The following MCCC1 variants were observed in gnomAD, a reference collection of about 807,000 sequenced individuals.
MCCC1 encodes the protein methylcrotonoyl-CoA carboxylase subunit alpha, mitochondrial.
MCCC1 carries 64 observed loss-of-function variants against 83.8 expected under a neutral mutation model. That is an observed-to-expected ratio of 0.76 (90% CI 0.62 to 0.94). MCCC1 has a LOEUF of 0.94. MCCC1 is among the 40% of genes least tolerant of loss of function. The pLI, the probability that MCCC1 is intolerant of heterozygous loss-of-function variation, is 0.00. For synonymous variants in MCCC1, 322 were observed against 315.4 expected (o/e 1.02, Z -0.22); for missense variants, 807 against 904.7 (o/e 0.89, Z 1.39).
chr3:183,098,974 T>C, intron 1 of MCCC1: 1 of 371,566 alleles, frequency 2.7e-6, no homozygotes, highest in Non-Finnish European at 5.1e-6. Flanking sequence ...TTGATCCCTT[T>C]GGGCTTCCCC....
At chr3:183,088,710 G>A (rs189971416) in intron 3 of MCCC1, among the ~76,000 whole-genome samples, 1 of 152,086 alleles carries the variant, frequency 6.6e-6, no homozygotes. Context: ...AACACATGCA[G>A]TTTTAGTTCT....
Position 183,024,604 on chromosome 3 carries a change from T to C in MCCC1, c.1731+1151A>G, listed in dbSNP as rs370356424. Among the ~76,000 whole-genome samples, 8 of 127,660 alleles carry C rather than the reference T, an allele frequency of 6.3e-5. No homozygotes were observed. In the East Asian group the frequency reaches 9.5e-4, roughly 15 times the overall value. The allele number at this position is 127,660 out of a possible 152,430, so 83.7% of individuals were successfully genotyped here. ...TACTACTACCTCACACTCATTAGTA[T>C]TGCTATTATAAAACAAAAAAAAAAC... On this transcript the variant is annotated intron_variant, in intron 15 of 18. Coordinates refer to ENST00000265594, the MANE Select transcript of MCCC1 (RefSeq NM_020166.5).
intron 1 of MCCC1, among the ~76,000 whole-genome samples, chr3:183,108,683 G>T (rs1719445102): frequency 6.6e-6 from 1 of 152,162 alleles, no homozygotes; most frequent in African/African-American, 2.4e-5. Context: ...TTAGAAGCTG[G>T]TGTGCTGTTC....
chr3:183,112,032 T>C (rs1719503529), intron 1 of MCCC1, among the ~76,000 whole-genome samples: 1 of 152,054 alleles, frequency 6.6e-6, no homozygotes, highest in South Asian at 2.1e-4. Flanking sequence ...GCTCTGAGTC[T>C]CTCTGGTCTT....
chr3:183,114,295 C>A (rs1719552617), intron 1 of MCCC1, among the ~76,000 whole-genome samples: 1 of 151,870 alleles, frequency 6.6e-6, no homozygotes, highest in Non-Finnish European at 1.5e-5. Context: ...TTAACTAGAC[C>A]CCCCGCCCCC....
chr3:183,082,531 A>G (rs767489969), intron 4 of MCCC1, among the ~76,000 whole-genome samples: 5 of 152,214 alleles, frequency 3.3e-5, no homozygotes, highest in Non-Finnish European at 5.9e-5. Context: ...CATCACAAGC[A>G]TTCCAGAGAC....
Position 183,064,090 on chromosome 3 carries a change from C to T in MCCC1, c.762-6668G>A, listed in dbSNP as rs1716058529. Among the ~76,000 whole-genome samples, 1 of 152,076 alleles carries T rather than the reference C, an allele frequency of 6.6e-6. No homozygotes were observed. Among genetic ancestry groups the T allele is most frequent in the African/African-American group, 2.4e-5 (1 of 41,412 alleles). ...CTCCTCTCAGTAAAATCCCTCTCGG[C>T]TAAGAATGGGTTTGGCACTATGGAT... On this transcript the variant is annotated intron_variant, in intron 7 of 18. Coordinates refer to ENST00000265594, the MANE Select transcript of MCCC1 (RefSeq NM_020166.5). The surrounding 1 kb of genome is among the most constrained non-coding windows in gnomAD (Gnocchi z 4.5).
intron 1 of MCCC1, chr3:183,098,982 C>T: frequency 2.6e-6 from 1 of 382,292 alleles, no homozygotes; most frequent in Non-Finnish European, 4.9e-6. Context: ...TTTGGGCTTC[C>T]CCGGAACCGG....
rs563718218 is a variant in MCCC1, at chr3:183,106,081, T to TAAAAAAAAA, written c.-102+9384_-102+9392dup. On this transcript the variant is annotated intron_variant, in intron 1 of 17. Coordinates refer to the MCCC1 transcript ENST00000492597. Reference sequence around the variant, plus strand: ...TCCAGCCTGAGCAACAGAGAGTCCGTAAAAAAAAAAAAAAAGACTACCAAA... The same window carrying TAAAAAAAAA: ...TCCAGCCTGAGCAACAGAGAGTCCGTAAAAAAAAAAAAAAAAAAAAAAAAGACTACCAAA... Among the ~76,000 whole-genome samples, 35 of 101,076 alleles carry TAAAAAAAAA rather than the reference T, an allele frequency of 3.5e-4. 5 individuals are homozygous for TAAAAAAAAA. The highest frequency in any genetic ancestry group is 4.7e-4 in the African/African-American group (13 of 27,806). 66.3% of individuals were successfully genotyped at this position (101,076 alleles called of 152,430 possible).
At chr3:183,054,654 C>T (rs1715277475) in intron 8 of MCCC1, among the ~76,000 whole-genome samples, 1 of 152,044 alleles carries the variant, frequency 6.6e-6, no homozygotes, top group South Asian at 2.1e-4. Flanking sequence ...ATTTAATTGG[C>T]TCTAAGTATA....
chr3:183,085,859 T>G (rs1166825300), intron 4 of MCCC1, among the ~76,000 whole-genome samples: 1 of 151,886 alleles, frequency 6.6e-6, no homozygotes, highest in Non-Finnish European at 1.5e-5. Flanking sequence ...AAGCTTTCCT[T>G]CTCCTCACCG....
At chr3:183,054,526 G>C (rs1715268593) in intron 8 of MCCC1, among the ~76,000 whole-genome samples, 1 of 152,106 alleles carries the variant, frequency 6.6e-6, no homozygotes, top group Non-Finnish European at 1.5e-5. Context: ...ATGTGTTTGT[G>C]TTTTAAGCTA....
At chr3:183,072,304 C>T in intron 5 of MCCC1, 62 bp downstream of exon 5, 1 of 1,596,702 alleles carries the variant, frequency 6.3e-7, no homozygotes, top group Non-Finnish European at 8.6e-7. Context: ...AGCCACATGC[C>T]TGGCCCAAAC....
intron 4 of MCCC1, 71 bp downstream of exon 4, chr3:183,086,622 C>A: frequency 7.2e-7 from 1 of 1,384,532 alleles, no homozygotes; most frequent in Non-Finnish European, 1.0e-6. Context: ...TAGAAAATTT[C>A]TATAAGTAAC....
intron 11 of MCCC1, among the ~76,000 whole-genome samples, chr3:183,040,007 A>C (rs905005536): frequency 6.7e-5 from 10 of 148,702 alleles, no homozygotes; most frequent in African/African-American, 2.5e-4. Flanking sequence ...GAGGAAGGAG[A>C]ATCATTTGAA....
In MCCC1 at chr3:183,045,526, T is replaced by C; in HGVS notation, c.970A>G (p.Ile324Val). Residue 324 changes from isoleucine (I) to valine (V), a missense_variant, in exon 10 of 19, where the codon ATT (isoleucine) becomes GTT (valine). Transcript: ENST00000265594. ...NYVGAGTVEFIMDSKHNFCFM... is the reference protein window; with the variant it reads ...NYVGAGTVEFVMDSKHNFCFM... ...CAGAAATTATGTTTTGAGTCCATAA[T>C]AAACTCCACAGTCCCTAAAAGGTAA... The C allele has an allele frequency of 6.2e-7, 1 of 1,614,088 alleles. No individual in the cohort carries two copies.
At chr3:183,096,843 G>A (rs545857367) in intron 1 of MCCC1, among the ~76,000 whole-genome samples, 2 of 152,124 alleles carry the variant, frequency 1.3e-5, no homozygotes, top group Non-Finnish European at 2.9e-5. Flanking sequence ...TCATAGCATC[G>A]TCTTCCCTTT....
chr3:183,072,548 T>C, intron 4 of MCCC1, 61 bp from the exon 5 acceptor site: 4 of 1,598,348 alleles, frequency 2.5e-6, no homozygotes, highest in Non-Finnish European at 2.6e-6. Flanking sequence ...AACACCTTAA[T>C]GCAGGTGAAG....
chr3:183,086,376 C>T (rs868404073), intron 4 of MCCC1, among the ~76,000 whole-genome samples: 2 of 152,194 alleles, frequency 1.3e-5, no homozygotes, highest in African/African-American at 4.8e-5. Context: ...TAATTCAGAG[C>T]CCTACCTACC....
Sources: gnomAD v4.1 joint callset for allele counts (sites outside exome capture counted in the v4.1 genomes callset) on GRCh38, gnomAD v4.1.1 for gene constraint, Gnocchi (gnomAD v3.1) non-coding constraint, MANE v1.5 for transcripts, NCBI Gene and HGNC (gene_info 2026-07-23, HGNC 2026-07-21) for gene names.